The following FREM3 variants were observed in gnomAD, a reference collection of about 807,000 sequenced individuals.
FREM3 encodes the protein FRAS1 related extracellular matrix 3.
In FREM3, 105 loss-of-function variants were observed where a neutral mutation model predicts 129.1. That is an observed-to-expected ratio of 0.81 (90% CI 0.69 to 0.96). The LOEUF is 0.96. Ranked by LOEUF, FREM3 falls within the 40% of genes least tolerant of loss-of-function variation. The pLI, the probability that FREM3 is intolerant of heterozygous loss-of-function variation, is 0.00. For missense variants in FREM3, 2,593 were observed against 2,666.3 expected, an observed-to-expected ratio of 0.97 and a Z score of 0.61; for synonymous variants, 1,014 against 1,044.9, an observed-to-expected ratio of 0.97 and a Z score of 0.57.
chr4:143,618,084 C>T (rs747141278), intron 5 of FREM3, among the ~76,000 whole-genome samples: 17 of 152,012 alleles, frequency 1.1e-4, no homozygotes, highest in Non-Finnish European at 1.9e-4. Context: ...AAAAATTCAC[C>T]GAGTGTCTGT....
rs1487411624 is a variant in FREM3 at position 143,698,816 on chromosome 4, T to G, written c.1860A>C (p.Leu620=). 15 of 1,537,616 alleles carry G rather than the reference T, an allele frequency of 9.8e-6. No individual in the cohort carries two copies. Among genetic ancestry groups the G allele is most frequent in the African/African-American group, 1.4e-5 (1 of 73,108 alleles). ...AGTCTTCATCTTCAGTTGAGAGAGG[T>G]AGTTCAGCCTGCTGCAGCAACAGGT... ...LGDLLLQQAE[L]PLSTEDEDWH... Residue 620 remains leucine, a synonymous_variant, in exon 1 of 8, where the codon CTA becomes CTC. Transcript: ENST00000329798.
chr4:143,603,121 C>T (rs1434940645), intron 6 of FREM3, among the ~76,000 whole-genome samples: 1 of 152,098 alleles, frequency 6.6e-6, no homozygotes, highest in Non-Finnish European at 1.5e-5. Context: ...TATAATTTGT[C>T]ATTTTGGCAC....
intron 2 of FREM3, among the ~76,000 whole-genome samples, chr4:143,640,577 G>A (rs1739305801): frequency 6.6e-6 from 1 of 152,224 alleles, no homozygotes; most frequent in South Asian, 2.1e-4. Context: ...GGTTGAGGCA[G>A]GAGAATCACT....
intron 2 of FREM3, among the ~76,000 whole-genome samples, chr4:143,630,840 A>G (rs932197981): frequency 2.0e-5 from 3 of 152,162 alleles, no homozygotes; most frequent in Admixed American, 6.5e-5. Flanking sequence ...CCATCTACAG[A>G]TGTTTTAAAG....
At chr4:143,648,994 C>T (rs754212671) in intron 2 of FREM3, among the ~76,000 whole-genome samples, 17 of 152,098 alleles carry the variant, frequency 1.1e-4, no homozygotes, top group Non-Finnish European at 2.2e-4. Flanking sequence ...AAACTCCTGG[C>T]CTCATGTGAT....
chr4:143,611,910 G>GCTA (rs1397972140), intron 5 of FREM3, among the ~76,000 whole-genome samples: 3 of 152,074 alleles, frequency 2.0e-5, no homozygotes, highest in Non-Finnish European at 2.9e-5. Context: ...TTTTTTTCCT[G>GCTA]CTACTGCTCT....
Position 143,580,711 on chromosome 4 carries a change from C to A in FREM3, c.6179-2859G>T, listed in dbSNP as rs570255512. Reference sequence around the variant, plus strand: ...CCTGAGCTTGCAGGCTGGTAGCAGCCCTGCACTTCTCTGGGATGGAGATCC... The same window carrying A: ...CCTGAGCTTGCAGGCTGGTAGCAGCACTGCACTTCTCTGGGATGGAGATCC... On this transcript the variant is annotated intron_variant, in intron 7 of 7. Transcript: ENST00000329798. 3.0e-3 allele frequency among the ~76,000 whole-genome samples: 453 copies of A among 152,314 alleles called. 12 individuals are homozygous for A. In the South Asian group the frequency reaches 0.044, roughly 15 times the overall value.
Position 143,697,767 on chromosome 4 carries a change from C to A in FREM3, c.2909G>T (p.Gly970Val), listed in dbSNP as rs780478292. 2.0e-6 allele frequency: 3 copies of A among 1,537,340 alleles called. No homozygotes were observed. The highest frequency in any genetic ancestry group is 2.6e-6 in the Non-Finnish European group (3 of 1,146,906). The change falls in exon 1 of 8, where the codon GGT (glycine) becomes GTT (valine). Residue 970 changes from glycine (G) to valine (V), a missense_variant. Gly to Val is a moderately radical substitution (Grantham distance 109). This residue lies in a region of FREM3 where 2,276 missense variants were observed against 2,267.2 expected (regional missense o/e 1.00). Coordinates refer to ENST00000329798, the MANE Select transcript of FREM3 (RefSeq NM_001168235.2). Reference protein sequence around the residue: ...LENKATEITMGVIHGKRKDVG... With the variant: ...LENKATEITMVVIHGKRKDVG... ...ATCCTTCCTTTTGCCATGGATGACA[C>A]CCATGGTAATTTCAGTGGCTTTATT...
intron 2 of FREM3, among the ~76,000 whole-genome samples, chr4:143,657,718 A>G (rs1259075522): frequency 6.6e-6 from 1 of 152,124 alleles, no homozygotes; most frequent in African/African-American, 2.4e-5. Flanking sequence ...TAGCATCTCT[A>G]TTTTAGAATT....
rs1740578312 is a variant in FREM3 at position 143,696,804 on chromosome 4, G to T, written c.3872C>A (p.Thr1291Asn). The change falls in exon 1 of 8, where the codon ACC becomes AAC. Residue 1291 changes from threonine to asparagine, a missense_variant. Around this residue, in one of 2 missense-constraint regions of FREM3, gnomAD observed 2,276 missense variants for 2,267.2 expected, o/e 1.00. Transcript: ENST00000329798. Reference protein sequence around the residue: ...EVWLSDGKHTTHRKVPIVVTL... With the variant: ...EVWLSDGKHTNHRKVPIVVTL... The stretch of plus-strand genomic sequence containing the variant: ...CACTACAATGGGTACCTTCCTGTGG[G>T]TTGTGTGCTTGCCGTCACTCAGCCA... 1.3e-6 allele frequency: 2 copies of T among 1,537,776 alleles called. No homozygotes were observed. Among genetic ancestry groups the T allele is most frequent in the South Asian group, 2.4e-5 (2 of 84,048 alleles).
At chr4:143,603,651 A>G (rs902019449) in intron 6 of FREM3, among the ~76,000 whole-genome samples, 5 of 152,190 alleles carry the variant, frequency 3.3e-5, no homozygotes, top group African/African-American at 1.2e-4. Flanking sequence ...AAAGAAAAAA[A>G]AACCTTTTTA....
chr4:143,594,177 G>C (rs751428506), intron 6 of FREM3, among the ~76,000 whole-genome samples: 7 of 152,288 alleles, frequency 4.6e-5, no homozygotes, highest in African/African-American at 1.7e-4. Flanking sequence ...TGTGCTTCCC[G>C]GGTGAGGCGA....
chr4:143,623,557 C>A (rs932822778), intron 4 of FREM3, among the ~76,000 whole-genome samples: 1 of 135,392 alleles, frequency 7.4e-6, no homozygotes, highest in African/African-American at 2.8e-5. Flanking sequence ...CAGCAAGCAG[C>A]ATGATTACTG....
At chr4:143,658,697 A>C (rs1739643429) in intron 2 of FREM3, among the ~76,000 whole-genome samples, 1 of 152,210 alleles carries the variant, frequency 6.6e-6, no homozygotes, top group African/African-American at 2.4e-5. Flanking sequence ...CTTTCTTAAA[A>C]CATTATGAGA....
intron 6 of FREM3, among the ~76,000 whole-genome samples, chr4:143,595,618 T>TGG (rs1366718428): frequency 1.3e-5 from 2 of 152,192 alleles, no homozygotes; most frequent in Non-Finnish European, 2.9e-5. Flanking sequence ...CCGGGCACCG[T>TGG]GGCTCTTGCC....
At position 143,698,294 on chromosome 4, in the gene FREM3, A is replaced by G. The variant is rs1260772499; in HGVS notation, c.2382T>C (p.Gly794=). The G allele has an allele frequency of 1.3e-6, 2 of 1,537,542 alleles. No homozygotes were observed. The highest frequency in any genetic ancestry group is 3.9e-5 in the Admixed American group (2 of 50,974). The stretch of plus-strand genomic sequence containing the variant: ...TAAACTGCACAACCCGTGGTGCAAT[A>G]CCCAATTTCTGTGGAGGCTGGTAGG... ...KVAYQPPQKL[G]IAPRVVQFTY... Residue 794 remains glycine, a synonymous_variant, in exon 1 of 8, where the codon GGT becomes GGC. Transcript: ENST00000329798.
chr4:143,614,127 CAA>C (rs1327983021), intron 5 of FREM3, among the ~76,000 whole-genome samples: 2 of 152,066 alleles, frequency 1.3e-5, no homozygotes, highest in Non-Finnish European at 2.9e-5. Flanking sequence ...AAGCAGAAAT[CAA>C]GACAATATGT....
At chr4:143,605,666 A>G (rs1392916202) in intron 6 of FREM3, among the ~76,000 whole-genome samples, 1 of 152,198 alleles carries the variant, frequency 6.6e-6, no homozygotes, top group Non-Finnish European at 1.5e-5. Flanking sequence ...TTATAAAGAA[A>G]GCCATTTACA....
At chr4:143,631,034 G>A (rs1347629880) in intron 2 of FREM3, among the ~76,000 whole-genome samples, 1 of 152,074 alleles carries the variant, frequency 6.6e-6, no homozygotes, top group Non-Finnish European at 1.5e-5. Flanking sequence ...GAGCAGAAGA[G>A]AGTTTTCATT....
Sources: gnomAD v4.1 joint callset for allele counts (sites outside exome capture counted in the v4.1 genomes callset) on GRCh38, gnomAD v4.1.1 for gene constraint, gnomAD v4.1.1 regional missense constraint, MANE v1.5 for transcripts, NCBI Gene and HGNC (gene_info 2026-07-23, HGNC 2026-07-21) for gene names.